Variants in WLS observed in about 807,000 individuals in gnomAD.
WLS encodes the protein Wnt ligand secretion mediator, also known as protein wntless homolog.
In WLS, 23 loss-of-function variants were observed where a neutral mutation model predicts 62.8. The observed-to-expected ratio is 0.37, with a 90% CI of 0.26 to 0.52. The LOEUF (loss-of-function observed/expected upper bound fraction) is 0.52. Ranked by LOEUF, WLS falls within the 20% of genes least tolerant of loss-of-function variation. WLS has a pLI of 0.92. For synonymous variants in WLS, 246 were observed against 244.1 expected, an observed-to-expected ratio of 1.01 and a Z score of -0.07; for missense variants, 615 against 697.3, an observed-to-expected ratio of 0.88 and a Z score of 1.33.
chr1:68,202,775 T>C (rs939829358), intron 1 of WLS: 1 of 152,134 alleles, frequency 6.6e-6, no homozygotes, highest in Non-Finnish European at 1.5e-5. Flanking sequence ...GGCTATGATG[T>C]CAGAAACCCA....
At chr1:68,127,211 A>T (rs956123039) in intron 11 of WLS, 1 of 234,002 alleles carries the variant, frequency 4.3e-6, no homozygotes, top group Admixed American at 5.5e-5. Flanking sequence ...ATAAAAAAAT[A>T]AACTACAAAG....
chr1:68,203,841 G>T (rs1297771729), intron 1 of WLS, among the ~76,000 whole-genome samples: 1 of 152,144 alleles, frequency 6.6e-6, no homozygotes, highest in Non-Finnish European at 1.5e-5. Flanking sequence ...CTCAGGAAAG[G>T]GTGGGTTCCT....
chr1:68,223,018 A>C (rs1177749993), intron 1 of WLS, among the ~76,000 whole-genome samples: 1 of 152,100 alleles, frequency 6.6e-6, no homozygotes, highest in Non-Finnish European at 1.5e-5. Flanking sequence ...CTGAATAGAG[A>C]CTTTTAATCA....
rs2100672849 is a variant in WLS, at chr1:68,227,815, T to C, written c.106+4379A>G. On this transcript the variant is annotated intron_variant, in intron 1 of 11. Coordinates refer to ENST00000262348, the MANE Select transcript of WLS (RefSeq NM_024911.7). Reference sequence around the variant, plus strand: ...ATACTGAAGGATTACAACTATTGCATCATTAAGATATATTAAAAGAAATGC... The same window carrying C: ...ATACTGAAGGATTACAACTATTGCACCATTAAGATATATTAAAAGAAATGC... Among the ~76,000 whole-genome samples the C allele has an allele frequency of 1.3e-5, 2 of 152,304 alleles. 1 individual carries two copies. The highest frequency in any genetic ancestry group is 4.1e-4 in the South Asian group (2 of 4,830).
intron 11 of WLS, among the ~76,000 whole-genome samples, chr1:68,131,201 G>C (rs1212560733): frequency 8.2e-6 from 1 of 122,142 alleles, no homozygotes; most frequent in African/African-American, 2.9e-5. Context: ...GTGAGCCACC[G>C]CACCTGGCCT....
At chr1:68,155,822 T>C (rs1042399048) in intron 3 of WLS, among the ~76,000 whole-genome samples, 1 of 152,062 alleles carries the variant, frequency 6.6e-6, no homozygotes, top group Non-Finnish European at 1.5e-5. Flanking sequence ...CAAGGAGCCG[T>C]TGGTATTTAG....
At chr1:68,219,990 A>G (rs1246870166) in intron 1 of WLS, among the ~76,000 whole-genome samples, 1 of 152,126 alleles carries the variant, frequency 6.6e-6, no homozygotes, top group Admixed American at 6.5e-5. Context: ...CTTCCACATA[A>G]TGAGTGATAT....
At chr1:68,157,317 C>A (rs1326345191) in intron 3 of WLS, among the ~76,000 whole-genome samples, 4 of 152,216 alleles carry the variant, frequency 2.6e-5, no homozygotes, top group Non-Finnish European at 4.4e-5. Flanking sequence ...GTAACATGGA[C>A]ACCCTTGACA....
rs138958538 is a variant in WLS, at chr1:68,169,732, C to T, written c.380-10485G>A. On this transcript the variant is annotated intron_variant, in intron 2 of 11. Transcript: ENST00000262348. ...TGTTCCTGTCTAATTTTCACACTTC[C>T]TGCTACAGAAATGATTTCTAAAACA... 3.7e-4 allele frequency among the ~76,000 whole-genome samples: 56 copies of T among 152,320 alleles called. 1 individual carries two copies. In the East Asian group the frequency reaches 9.8e-3, roughly 27 times the overall value.
At chr1:68,150,062 C>T (rs1453647672) in intron 6 of WLS, 126 bp downstream of exon 6, 1 of 995,016 alleles carries the variant, frequency 1.0e-6, no homozygotes, top group East Asian at 2.5e-5. Flanking sequence ...CCAGAGTTCC[C>T]ACTTGTAACT....
intron 1 of WLS, among the ~76,000 whole-genome samples, chr1:68,209,989 A>G (rs1473660539): frequency 1.3e-5 from 2 of 152,194 alleles, no homozygotes; most frequent in Non-Finnish European, 2.9e-5. Flanking sequence ...AGGGATACAC[A>G]AGAAATACAT....
At chr1:68,105,195 C>T (rs1225168081) in intron 11 of WLS, among the ~76,000 whole-genome samples, 1 of 152,170 alleles carries the variant, frequency 6.6e-6, no homozygotes, top group Non-Finnish European at 1.5e-5. Flanking sequence ...TTTCTTTGAT[C>T]TGTTGAAGCA....
intron 1 of WLS, among the ~76,000 whole-genome samples, chr1:68,222,615 G>A (rs539783370): frequency 2.6e-5 from 4 of 152,066 alleles, no homozygotes; most frequent in Non-Finnish European, 4.4e-5. Flanking sequence ...TAGAAACTGC[G>A]TCCAAGCCAT....
intron 2 of WLS, among the ~76,000 whole-genome samples, chr1:68,179,243 T>G (rs969063762): frequency 1.3e-5 from 2 of 152,200 alleles, no homozygotes; most frequent in African/African-American, 4.8e-5. Context: ...ATGAGATTTT[T>G]TATAAAGTCA....
chr1:68,188,250 A>T (rs935671879), intron 2 of WLS, among the ~76,000 whole-genome samples: 1 of 152,234 alleles, frequency 6.6e-6, no homozygotes, highest in Non-Finnish European at 1.5e-5. Context: ...TGGGGACCAG[A>T]CTTACATATA....
intron 1 of WLS, among the ~76,000 whole-genome samples, chr1:68,209,957 T>C (rs1429035353): frequency 6.6e-6 from 1 of 152,162 alleles, no homozygotes; most frequent in African/African-American, 2.4e-5. Context: ...ACACTGTTTC[T>C]CCTGATGAGA....
intron 2 of WLS, chr1:68,162,326 A>T: frequency 6.8e-6 from 11 of 1,613,756 alleles, no homozygotes; most frequent in Non-Finnish European, 9.3e-6. Flanking sequence ...TTTATGGTAA[A>T]GTCATTGATG....
At chr1:68,229,139 C>A (rs980722524) in intron 1 of WLS, among the ~76,000 whole-genome samples, 2 of 152,156 alleles carry the variant, frequency 1.3e-5, no homozygotes, top group African/African-American at 4.8e-5. Context: ...CAATGAGGAG[C>A]CTGAAGCCTG....
rs1480258381 is a variant in WLS, at chr1:68,144,630, A to G, written c.1301T>C (p.Phe434Ser). 1 of 1,613,698 alleles carries G rather than the reference A, an allele frequency of 6.2e-7. No homozygotes were observed. Among genetic ancestry groups the G allele is most frequent in the East Asian group, 2.2e-5 (1 of 44,866 alleles). ...HYEGLIFRFK[F>S]LMLITLACAA... is the part of the protein sequence containing the mutation. ...GCAGGCCAAGGTGATAAGCATGAGGAACTTGAACCTAAAAATTAGCCCCTA... is the reference window on the plus strand; with the variant it reads ...GCAGGCCAAGGTGATAAGCATGAGGGACTTGAACCTAAAAATTAGCCCCTA... Residue 434 changes from phenylalanine (F) to serine (S), a missense_variant, in exon 10 of 12, where the codon TTC (phenylalanine) becomes TCC (serine). Phe to Ser is a radical substitution (Grantham distance 155). Transcript: ENST00000262348.
Sources: gnomAD v4.1 joint callset for allele counts (sites outside exome capture counted in the v4.1 genomes callset) on GRCh38, gnomAD v4.1.1 for gene constraint, MANE v1.5 for transcripts, NCBI Gene and HGNC (gene_info 2026-07-23, HGNC 2026-07-21) for gene names.